The following ENTREP2 variants were observed in gnomAD, a reference collection of about 807,000 sequenced individuals.
ENTREP2 encodes protein ENTREP2.
At chr15:29,539,538 C>T in the ENTREP2 span, among the ~76,000 whole-genome samples, 4 of 152,076 alleles carry the variant, frequency 2.6e-5, no homozygotes, top group Admixed American at 6.6e-5. Context: ...TCAACCCTGG[C>T]TGTACTTTCA....
At chr15:29,650,361 G>A in the ENTREP2 span, among the ~76,000 whole-genome samples, 1 of 152,264 alleles carries the variant, frequency 6.6e-6, no homozygotes, top group Admixed American at 6.5e-5. Flanking sequence ...GGGAGGCTGA[G>A]GTGGGTGGAT....
the ENTREP2 span, among the ~76,000 whole-genome samples, chr15:29,199,328 A>AG: frequency 1.3e-5 from 2 of 152,232 alleles, no homozygotes; most frequent in Non-Finnish European, 2.9e-5. Context: ...GACTAAGCCA[A>AG]GAAAAAAAGG....
the ENTREP2 span, among the ~76,000 whole-genome samples, chr15:29,314,091 G>C: frequency 3.9e-5 from 6 of 152,186 alleles, no homozygotes; most frequent in Non-Finnish European, 7.3e-5. Context: ...AACTTTAATG[G>C]ACAAGCAGCT....
chr15:29,435,146 G>A, the ENTREP2 span, among the ~76,000 whole-genome samples: 1 of 152,080 alleles, frequency 6.6e-6, no homozygotes, highest in South Asian at 2.1e-4. Context: ...AAACGTGTTT[G>A]CTTCTTTCAG....
chr15:29,600,892 A>ATTTTTTTTTTTTTTTTT, the ENTREP2 span, among the ~76,000 whole-genome samples: 3 of 97,946 alleles, frequency 3.1e-5, no homozygotes, highest in African/African-American at 2.1e-4. Flanking sequence ...GGAAAATATG[A>ATTTTTTTTTTTTTTTTT]TTTTTCTTTC....
the ENTREP2 span, among the ~76,000 whole-genome samples, chr15:29,270,407 A>G: frequency 6.7e-6 from 1 of 149,038 alleles, no homozygotes; most frequent in South Asian, 2.1e-4. Context: ...TAGCTAGACA[A>G]CTATGAGAAG....
At chr15:29,292,631 T>A in the ENTREP2 span, among the ~76,000 whole-genome samples, 1 of 152,224 alleles carries the variant, frequency 6.6e-6, no homozygotes, top group Non-Finnish European at 1.5e-5. Flanking sequence ...TCTGCCCTGC[T>A]CGGCCTCCCA....
At chr15:29,473,586 G>A in the ENTREP2 span, among the ~76,000 whole-genome samples, 3,895 of 152,282 alleles carry the variant, frequency 0.026, 156 homozygotes, top group African/African-American at 0.09. Context: ...GGCCACCTGT[G>A]GTCTTGGTTT....
chr15:29,502,006 C>T, the ENTREP2 span, among the ~76,000 whole-genome samples: 7,032 of 151,862 alleles, frequency 0.046, 516 homozygotes, highest in African/African-American at 0.16. Flanking sequence ...TAAAACATTG[C>T]TGAAGTAAAT....
the ENTREP2 span, among the ~76,000 whole-genome samples, chr15:29,562,335 T>C: frequency 7.2e-5 from 11 of 152,220 alleles, no homozygotes; most frequent in African/African-American, 7.2e-5. Flanking sequence ...GAGAGGTTTA[T>C]GATGAGTACA....
At chr15:29,482,125 G>A in the ENTREP2 span, among the ~76,000 whole-genome samples, 1 of 151,142 alleles carries the variant, frequency 6.6e-6, no homozygotes, top group African/African-American at 2.4e-5. Flanking sequence ...AGCCTCCCAA[G>A]TAGCTGGGAT....
the ENTREP2 span, among the ~76,000 whole-genome samples, chr15:29,173,944 CAA>C: frequency 2.0e-4 from 16 of 78,606 alleles, no homozygotes; most frequent in Non-Finnish European, 3.9e-4. Flanking sequence ...TCTGGATAGC[CAA>C]AAAAAAAAAA....
At chr15:29,234,990 G>A in the ENTREP2 span, 1 of 1,379,394 alleles carries the variant, frequency 7.2e-7, no homozygotes, top group Non-Finnish European at 1.0e-6. Context: ...CAGCCATCAT[G>A]CACATTTAGG....
the ENTREP2 span, among the ~76,000 whole-genome samples, chr15:29,455,389 A>G: frequency 2.0e-5 from 3 of 152,124 alleles, no homozygotes; most frequent in African/African-American, 7.2e-5. Context: ...AGAAGCCACT[A>G]TGTTCTGGAA....
chr15:29,490,235 C>T, the ENTREP2 span, among the ~76,000 whole-genome samples: 40 of 152,236 alleles, frequency 2.6e-4, no homozygotes, highest in Middle Eastern at 3.4e-3. Flanking sequence ...GAGTTTCTTC[C>T]TTCTCTCCCA....
chr15:29,260,511 A>G, the ENTREP2 span, among the ~76,000 whole-genome samples: 1 of 152,224 alleles, frequency 6.6e-6, no homozygotes, highest in Non-Finnish European at 1.5e-5. Flanking sequence ...CAACATCAAT[A>G]CATTGAAGAA....
the ENTREP2 span, among the ~76,000 whole-genome samples, chr15:29,623,577 G>T: frequency 6.6e-6 from 1 of 152,170 alleles, no homozygotes; most frequent in Non-Finnish European, 1.5e-5. Context: ...TGGCAGAGAT[G>T]TCAACGCCAT....
At chr15:29,278,131 G>A in the ENTREP2 span, among the ~76,000 whole-genome samples, 2 of 136,678 alleles carry the variant, frequency 1.5e-5, no homozygotes, top group African/African-American at 2.8e-5. Context: ...CCACCCCACT[G>A]CAGCTCCCTC....
chr15:29,588,533 GA>G, the ENTREP2 span, among the ~76,000 whole-genome samples: 2 of 64,456 alleles, frequency 3.1e-5, no homozygotes, highest in African/African-American at 1.4e-4. Context: ...AGGAAGGAAG[GA>G]AGAGAAAGAA....
Sources: allele counts gnomAD v4.1 joint callset (sites outside exome capture counted in the v4.1 genomes callset), GRCh38; gene constraint gnomAD v4.1.1; transcripts MANE v1.5; gene names NCBI Gene and HGNC (gene_info 2026-07-23, HGNC 2026-07-21).